The following ROBO1 variants were observed in gnomAD, a reference collection of about 807,000 sequenced individuals.
The protein encoded by ROBO1 is roundabout guidance receptor 1, also known as roundabout homolog 1.
Under a neutral mutation model 195.9 loss-of-function variants are expected in ROBO1, and 149 were observed. The observed-to-expected ratio is 0.76, with a 90% CI of 0.67 to 0.87. ROBO1 has a LOEUF of 0.87. Among genes scored for constraint, ROBO1 ranks in the 40% least tolerant of loss-of-function variants. ROBO1 has a pLI of 0.00. For missense variants in ROBO1, 1,933 were observed against 2,068.3 expected (o/e 0.93, Z 1.27); for synonymous variants, 816 against 733.2 (o/e 1.11, Z -1.82).
chr3:78,770,087 G>A (rs1174433623), intron 4 of ROBO1, among the ~76,000 whole-genome samples: 1 of 152,054 alleles, frequency 6.6e-6, no homozygotes, highest in Admixed American at 6.6e-5. Context: ...AATTTCCCAG[G>A]TGTTCTTCTT....
At chr3:78,926,198 TG>T (rs1316691574) in intron 4 of ROBO1, among the ~76,000 whole-genome samples, 1 of 151,994 alleles carries the variant, frequency 6.6e-6, no homozygotes, top group Non-Finnish European at 1.5e-5. Flanking sequence ...ATCAAAGGGA[TG>T]GGGTTGAATT....
chr3:79,061,314 A>C (rs2078912982), intron 3 of ROBO1, among the ~76,000 whole-genome samples: 1 of 152,174 alleles, frequency 6.6e-6, no homozygotes, highest in Non-Finnish European at 1.5e-5. Flanking sequence ...GGACCTCTTC[A>C]AGGAGAACTA....
chr3:78,927,599 T>G (rs2039292305), intron 4 of ROBO1, among the ~76,000 whole-genome samples: 1 of 152,202 alleles, frequency 6.6e-6, no homozygotes, highest in Non-Finnish European at 1.5e-5. Context: ...TTCCAAATTA[T>G]TTTTTAACTG....
intron 4 of ROBO1, among the ~76,000 whole-genome samples, chr3:78,848,249 T>C (rs2033799194): frequency 6.6e-6 from 1 of 152,160 alleles, no homozygotes; most frequent in South Asian, 2.1e-4. Context: ...TTAAAAAAGC[T>C]ACATCACAAC....
At chr3:79,615,091 C>T (rs1216901279) in intron 1 of ROBO1, among the ~76,000 whole-genome samples, 1 of 152,056 alleles carries the variant, frequency 6.6e-6, no homozygotes, top group African/African-American at 2.4e-5. Flanking sequence ...AAACATCTCT[C>T]ATTATATCCT....
chr3:78,671,467 C>T (rs1285182565), intron 10 of ROBO1, among the ~76,000 whole-genome samples: 3 of 151,726 alleles, frequency 2.0e-5, no homozygotes, highest in African/African-American at 7.3e-5. Context: ...ATTTTGGAAG[C>T]AATAATTTTC....
intron 26 of ROBO1, among the ~76,000 whole-genome samples, chr3:78,619,372 G>C (rs1704316791): frequency 6.6e-6 from 1 of 151,896 alleles, no homozygotes; most frequent in Admixed American, 6.6e-5. Flanking sequence ...TGAAGATATG[G>C]ATAAATCACT....
At chr3:78,958,967 C>T (rs896642486) in intron 3 of ROBO1, among the ~76,000 whole-genome samples, 3 of 151,758 alleles carry the variant, frequency 2.0e-5, no homozygotes, top group Non-Finnish European at 4.4e-5. Context: ...ACTGCCACAC[C>T]CGGCTAATTT....
At chr3:78,647,541 G>T in intron 20 of ROBO1, 88 bp downstream of exon 20, 1 of 1,266,540 alleles carries the variant, frequency 7.9e-7, no homozygotes, top group Non-Finnish European at 1.2e-6. Flanking sequence ...CCAACTTACT[G>T]CAGAAAATGA....
At chr3:78,690,648 G>A (rs1290321672) in intron 8 of ROBO1, among the ~76,000 whole-genome samples, 1 of 152,048 alleles carries the variant, frequency 6.6e-6, no homozygotes, top group Non-Finnish European at 1.5e-5. Flanking sequence ...CCAAGAAATT[G>A]AAAGAATTGA....
chr3:78,657,453 C>T (rs763017311), intron 17 of ROBO1, among the ~76,000 whole-genome samples, 184 bp from the exon 18 acceptor site: 4 of 152,102 alleles, frequency 2.6e-5, no homozygotes, highest in African/African-American at 9.7e-5. Flanking sequence ...TCAAGTTTAA[C>T]GTTAAAAGTA....
intron 2 of ROBO1, among the ~76,000 whole-genome samples, chr3:79,364,888 A>C (rs976581256): frequency 1.3e-5 from 2 of 152,186 alleles, no homozygotes; most frequent in African/African-American, 4.8e-5. Flanking sequence ...GGATTCACTG[A>C]GGTATCAACA....
At position 78,662,853 on chromosome 3, in the gene ROBO1, A is replaced by C. The variant is rs369374936; in HGVS notation, c.1967-739T>G. ...ATTTCAGGAAGGAAACTAAGAACAC[A>C]GTAAGAATGAAGTGGCTACTAATGT... is the stretch of plus-strand genomic sequence containing the variant. On this transcript the variant is annotated intron_variant, in intron 14 of 30. Transcript: ENST00000464233. Among the ~76,000 whole-genome samples, 16 of 152,346 alleles carry C rather than the reference A, an allele frequency of 1.1e-4. No homozygotes were observed. The South Asian group carries it at 1.5e-3, about 14-fold the overall frequency.
At chr3:78,985,967 G>A (rs1410391926) in intron 3 of ROBO1, among the ~76,000 whole-genome samples, 2 of 152,080 alleles carry the variant, frequency 1.3e-5, no homozygotes, top group African/African-American at 4.8e-5. Context: ...CAGAGCCCAA[G>A]ACAAAGCCTT....
At chr3:78,681,073 T>C (rs1011796246) in intron 10 of ROBO1, among the ~76,000 whole-genome samples, 8 of 151,546 alleles carry the variant, frequency 5.3e-5, no homozygotes, top group Admixed American at 5.3e-4. Flanking sequence ...CTCAGTAAAC[T>C]ATCGCAAGGA....
chr3:79,365,382 GGACA>G (rs1410680924), intron 2 of ROBO1, among the ~76,000 whole-genome samples: 2 of 152,252 alleles, frequency 1.3e-5, no homozygotes, highest in Non-Finnish European at 2.9e-5. Flanking sequence ...TCCTGAATGT[GGACA>G]GACAAATGCA....
chr3:78,785,311 T>C (rs977141491), intron 4 of ROBO1, among the ~76,000 whole-genome samples: 4 of 152,188 alleles, frequency 2.6e-5, no homozygotes, highest in African/African-American at 9.7e-5. Flanking sequence ...TTCCCTTTCA[T>C]TTTGAAAACT....
intron 1 of ROBO1, among the ~76,000 whole-genome samples, chr3:79,670,838 A>G (rs1390860978): frequency 6.6e-6 from 1 of 151,852 alleles, no homozygotes. Flanking sequence ...CCAAGTCCCT[A>G]GGGTGAATTT....
chr3:78,840,177 T>C (rs2033082522), intron 4 of ROBO1, among the ~76,000 whole-genome samples: 1 of 152,136 alleles, frequency 6.6e-6, no homozygotes, highest in South Asian at 2.1e-4. Context: ...CCAAAATGAA[T>C]GGATTAGATG....
Sources: gnomAD v4.1 joint callset for allele counts (sites outside exome capture counted in the v4.1 genomes callset) on GRCh38, gnomAD v4.1.1 for gene constraint, MANE v1.5 for transcripts, NCBI Gene and HGNC (gene_info 2026-07-23, HGNC 2026-07-21) for gene names.